Variants in TAF4 observed in about 807,000 individuals in gnomAD.
The protein encoded by TAF4 is transcription initiation factor TFIID subunit 4.
Under a neutral mutation model 90.3 loss-of-function variants are expected in TAF4, and 9 were observed. That is an observed-to-expected ratio of 0.10 (90% confidence interval 0.06 to 0.17). TAF4 has a LOEUF of 0.17. TAF4 is among the 10% of genes least tolerant of loss of function. TAF4 has a pLI of 1.00. For synonymous variants in TAF4, 818 were observed against 638.9 expected (o/e 1.28, Z -4.23); for missense variants, 1,351 against 1,370.7 (o/e 0.99, Z 0.23).
rs2055658642 is a variant in TAF4 at position 61,995,597 on chromosome 20, C to T, written c.3090+1953G>A. ...AAAAAATTTGAGCCGGGCGCGGTGGCTCACGCCTGTAATCCCAGCACTTTG... is the reference window on the plus strand; with the variant it reads ...AAAAAATTTGAGCCGGGCGCGGTGGTTCACGCCTGTAATCCCAGCACTTTG... On this transcript the variant is annotated intron_variant, in intron 14 of 14. Coordinates refer to ENST00000252996, the MANE Select transcript of TAF4 (RefSeq NM_003185.4). Among the ~76,000 whole-genome samples the T allele has an allele frequency of 1.4e-4, 2 of 14,740 alleles. 1 individual carries two copies. Among genetic ancestry groups the T allele is most frequent in the South Asian group, 2.5e-3 (2 of 798 alleles). 9.7% of individuals were successfully genotyped at this position (14,740 alleles called of 152,430 possible).
chr20:61,998,190 A>C lies in TAF4; in HGVS notation c.2916T>G (p.Ser972=). The C allele has an allele frequency of 6.2e-7, 1 of 1,612,846 alleles. No homozygotes were observed. The highest frequency in any genetic ancestry group is 8.5e-7 in the Non-Finnish European group (1 of 1,179,706). ...EREILMRAAK[S]RSRQEDPEQL... is the part of the protein sequence containing the mutation. The stretch of plus-strand genomic sequence containing the variant: ...GTTCTGGATCTTCTTGTCTTGACCG[A>C]GACTATTTTTGAAAGAGGCAGAAAA... Residue 972 remains serine (S), a splice_region_variant and synonymous_variant, in exon 13 of 15, where the codon TCT becomes TCG. Transcript: ENST00000252996.
chr20:62,064,720 C>T lies in TAF4; in HGVS notation c.1091G>A (p.Ser364Asn). ...GCTGGCCGCCGTGCTGGCCGGGCCG[C>T]TGGCCGCCAGGGTCTGCGCCGCCGG... ...APPAAQTLAA[S>N]GPASTAASMV... The change falls in exon 1 of 15, where the codon AGC (serine) becomes AAC (asparagine). Residue 364 changes from serine to asparagine, a missense_variant. Ser to Asn is a conservative substitution (Grantham distance 46). This residue lies in a region of TAF4 where 782 missense variants were observed against 536.6 expected (regional missense o/e 1.46). Coordinates refer to ENST00000252996, the MANE Select transcript of TAF4 (RefSeq NM_003185.4). 3 of 1,229,772 alleles carry T rather than the reference C, an allele frequency of 2.4e-6. No homozygotes were observed. Among genetic ancestry groups the T allele is most frequent in the Non-Finnish European group, 3.0e-6 (3 of 988,430 alleles). 76.2% of individuals were successfully genotyped at this position (1,229,772 alleles called of 1,614,324 possible). A position where few individuals can be genotyped will look rare whatever the true frequency, so the allele number is the denominator to read the frequency against.
At chr20:61,999,930 C>A (rs887717372) in intron 11 of TAF4, among the ~76,000 whole-genome samples, 194 bp downstream of exon 11, 4 of 152,212 alleles carry the variant, frequency 2.6e-5, no homozygotes, top group African/African-American at 9.6e-5. Context: ...GCCTGGGCAA[C>A]AGAGTGAGAC....
intron 14 of TAF4, among the ~76,000 whole-genome samples, chr20:61,985,761 A>G (rs917203108): frequency 2.6e-5 from 4 of 151,598 alleles, no homozygotes; most frequent in Non-Finnish European, 5.9e-5. Flanking sequence ...TGTTCAGCAC[A>G]GGTGCAGGTG....
rs2055748873 is a variant in TAF4 at position 62,006,770 on chromosome 20, GAC to G, written c.1975-14_1975-13del. ...GCGGGTAAGCTCCTCTGGGTGGAAA[GAC>G]AGACACGAGGGGTCAGGCGGCTGCT... is the stretch of plus-strand genomic sequence containing the variant. On this transcript the variant is annotated splice_polypyrimidine_tract_variant and intron_variant, in intron 6 of 14. Transcript: ENST00000252996. The surrounding 1 kb of genome is among the most constrained non-coding windows in gnomAD (Gnocchi z 7.0). 1 of 1,485,734 alleles carries G rather than the reference GAC, an allele frequency of 6.7e-7. No homozygotes were observed. The highest frequency in any genetic ancestry group is 1.3e-5 in the South Asian group (1 of 74,484). 92.0% of individuals were successfully genotyped at this position (1,485,734 alleles called of 1,614,324 possible).
Position 62,064,786 on chromosome 20 carries a change from AC to A in TAF4, c.1024del (p.Val342SerfsTer67). On this transcript the variant is annotated frameshift_variant, in exon 1 of 15. Transcript: ENST00000252996. LOFTEE classifies it high-confidence loss of function. The part of the protein sequence containing the change: ...GAAAAAPAPG[V>X]KAESPKRVVQ... ...CACCCTCTTGGGCGACTCGGCCTTG[AC>A]CCCCGGCGCCGGCGCCGCAGCCGCC... The A allele has an allele frequency of 9.5e-7, 1 of 1,053,344 alleles. No homozygotes were observed. Among genetic ancestry groups the A allele is most frequent in the Non-Finnish European group, 1.1e-6 (1 of 879,990 alleles). The allele number at this position is 1,053,344 out of a possible 1,614,324, so 65.2% of individuals were successfully genotyped here.
chr20:62,053,276 G>A (rs971252760), intron 1 of TAF4, among the ~76,000 whole-genome samples: 10 of 152,134 alleles, frequency 6.6e-5, no homozygotes, highest in Admixed American at 2.6e-4. Context: ...GGAGAGCCAC[G>A]GCGGCCCTGA....
At chr20:62,011,339 T>C (rs757220760) in intron 3 of TAF4, among the ~76,000 whole-genome samples, 1 of 152,180 alleles carries the variant, frequency 6.6e-6, no homozygotes, top group Non-Finnish European at 1.5e-5. Context: ...CCATCAAAAC[T>C]GACTCCTCAC....
Position 62,062,102 on chromosome 20 carries a change from C to G in TAF4, c.1360+2349G>C, listed in dbSNP as rs1385851546. Among the ~76,000 whole-genome samples, 3 of 152,230 alleles carry G rather than the reference C, an allele frequency of 2.0e-5. 1 individual carries two copies. In the East Asian group the frequency reaches 5.8e-4, roughly 29 times the overall value. On this transcript the variant is annotated intron_variant, in intron 1 of 14. Coordinates refer to ENST00000252996, the MANE Select transcript of TAF4 (RefSeq NM_003185.4). ...GACACCCACATGCAGCTTTGAGAACCCTGCCCACCCCTAATACTCCCGGCT... is the reference window on the plus strand; with the variant it reads ...GACACCCACATGCAGCTTTGAGAACGCTGCCCACCCCTAATACTCCCGGCT...
intron 1 of TAF4, among the ~76,000 whole-genome samples, chr20:62,049,569 C>T (rs1361867661): frequency 2.0e-5 from 3 of 151,308 alleles, no homozygotes; most frequent in African/African-American, 7.3e-5. Context: ...TCCTGGGTCT[C>T]ATCTACCTGA....
chr20:62,013,914 T>G (rs796803505), intron 2 of TAF4, among the ~76,000 whole-genome samples: 70 of 118,538 alleles, frequency 5.9e-4, no homozygotes, highest in Middle Eastern at 0.01. Context: ...CGGGTGTGTG[T>G]GTGTGTGTGT....
chr20:62,008,930 G>T, intron 5 of TAF4, 122 bp downstream of exon 5: 1 of 1,348,566 alleles, frequency 7.4e-7, no homozygotes, highest in Non-Finnish European at 9.9e-7. Flanking sequence ...TTCGCCTGCA[G>T]CCTTCCAGAG....
intron 1 of TAF4, among the ~76,000 whole-genome samples, chr20:62,017,096 G>A (rs544945969): frequency 9.8e-4 from 148 of 151,600 alleles, no homozygotes; most frequent in African/African-American, 2.8e-3. Flanking sequence ...GGCTACCATC[G>A]CATCATCACA....
At chr20:62,056,559 G>A (rs964238818) in intron 1 of TAF4, among the ~76,000 whole-genome samples, 1 of 152,156 alleles carries the variant, frequency 6.6e-6, no homozygotes, top group Admixed American at 6.5e-5. Context: ...TGGCACAGGG[G>A]CCGTTACCAA....
At chr20:62,034,297 C>T (rs942509824) in intron 1 of TAF4, among the ~76,000 whole-genome samples, 4 of 152,168 alleles carry the variant, frequency 2.6e-5, no homozygotes, top group African/African-American at 9.7e-5. Flanking sequence ...CGATTCAACA[C>T]ACTATCAAAG....
intron 5 of TAF4, chr20:62,008,793 G>A (rs1350573268): frequency 2.8e-6 from 1 of 362,238 alleles, no homozygotes; most frequent in Non-Finnish European, 4.9e-6. Flanking sequence ...CACAGACAAG[G>A]GACGCAGGCA....
intron 9 of TAF4, 101 bp from the exon 10 acceptor site, chr20:62,000,822 G>A (rs1053393907): frequency 8.3e-6 from 11 of 1,321,034 alleles, no homozygotes; most frequent in East Asian, 2.3e-5. Context: ...AGGCAGGGCC[G>A]TGAGGAGGCC....
chr20:61,999,778 C>T (rs1740367), intron 11 of TAF4, among the ~76,000 whole-genome samples: 116,116 of 152,168 alleles, frequency 0.76, 45,321 homozygotes, highest in African/African-American at 0.94. Flanking sequence ...AGTCCCTGTC[C>T]CTTTTATTAA....
intron 14 of TAF4, among the ~76,000 whole-genome samples, chr20:61,991,996 T>C (rs1413933925): frequency 6.6e-6 from 1 of 152,018 alleles, no homozygotes; most frequent in Non-Finnish European, 1.5e-5. Flanking sequence ...CTTCAGTAAA[T>C]ACAACGTGAG....
Sources: allele counts gnomAD v4.1 joint callset (sites outside exome capture counted in the v4.1 genomes callset), GRCh38; gene constraint gnomAD v4.1.1; regional missense constraint gnomAD v4.1.1; non-coding constraint Gnocchi (gnomAD v3.1); transcripts MANE v1.5; gene names NCBI Gene and HGNC (gene_info 2026-07-23, HGNC 2026-07-21).